The following ABHD16B variants were observed in gnomAD, a reference collection of about 807,000 sequenced individuals.
The protein encoded by ABHD16B is abhydrolase domain containing 16B, also known as abhydrolase domain-containing protein 16B.
In ABHD16B, 14 loss-of-function variants were observed where a neutral mutation model predicts 10.5. The ratio of observed to expected loss-of-function variants is 1.33; its 90% confidence interval spans 0.88 to 2.08. The LOEUF is 2.08. Among genes scored for constraint, ABHD16B ranks in the 30% most tolerant of loss-of-function variants. The probability of loss-of-function intolerance (pLI) is 0.00; values close to 1 mark genes in which losing one functional copy is unlikely to be tolerated. For synonymous variants in ABHD16B, 374 were observed against 337.9 expected (o/e 1.11, Z -1.17); for missense variants, 763 against 717.4 (o/e 1.06, Z -0.73).
chr20:63,861,835 AGCTACGCGCTG>A lies in ABHD16B; in HGVS notation c.298_308del (p.Tyr100ProfsTer46). ...CCGCGAGCTGCCCGGCCAGCTCGCTAGCTACGCGCTGGCCCACTCGCTGGGCCGCTGGCTCG... is the reference window on the plus strand; with the variant it reads ...CCGCGAGCTGCCCGGCCAGCTCGCTAGCCCACTCGCTGGGCCGCTGGCTCG... On this transcript the variant is annotated frameshift_variant, in exon 1 of 1. Coordinates refer to ENST00000369916, the MANE Select transcript of ABHD16B (RefSeq NM_080622.4). LOFTEE classifies it high-confidence loss of function. The surrounding 1 kb of genome is among the most constrained non-coding windows in gnomAD (Gnocchi z 5.4). 6.6e-7 allele frequency: 1 copy of A among 1,526,154 alleles called. No individual in the cohort carries two copies. Among genetic ancestry groups the A allele is most frequent in the Non-Finnish European group, 8.8e-7 (1 of 1,142,720 alleles). The allele number at this position is 1,526,154 out of a possible 1,614,324, so 94.5% of individuals were successfully genotyped here. A position where few individuals can be genotyped will look rare whatever the true frequency, so the allele number is the denominator to read the frequency against.
rs1189604000 is a variant in ABHD16B, at chr20:63,862,147, A to C, written c.607A>C (p.Asn203His). ...LEAGYSVLGWNHPGFGSSTGV... is the reference protein window; with the variant it reads ...LEAGYSVLGWHHPGFGSSTGV... Reference sequence around the variant, plus strand: ...GGCCGGCTACTCCGTGCTGGGCTGGAACCACCCCGGCTTCGGCAGCAGCAC... The same window carrying C: ...GGCCGGCTACTCCGTGCTGGGCTGGCACCACCCCGGCTTCGGCAGCAGCAC... The change falls in exon 1 of 1, where the codon AAC (asparagine) becomes CAC (histidine). Residue 203 changes from asparagine (N) to histidine (H), a missense_variant. Transcript: ENST00000369916. This position sits in a 1 kb window ranked among gnomAD's most constrained non-coding sequence, Gnocchi z 7.5. 1 of 1,611,384 alleles carries C rather than the reference A, an allele frequency of 6.2e-7. No homozygotes were observed. Among genetic ancestry groups the C allele is most frequent in the Admixed American group, 1.7e-5 (1 of 59,914 alleles).
chr20:63,862,419 C>T lies in ABHD16B; in HGVS notation c.879C>T (p.Arg293=), dbSNP rs1411469393. The T allele has an allele frequency of 6.3e-7, 1 of 1,586,932 alleles. No individual in the cohort carries two copies. Among genetic ancestry groups the T allele is most frequent in the Non-Finnish European group, 8.5e-7 (1 of 1,169,604 alleles). ...ACAGTTGGAAGGGGCTGGTGGTGCG[C>T]ACCGTGCGCGAGCACTTCAACCTCA... The part of the protein sequence containing the change: ...MPHSWKGLVV[R]TVREHFNLNV... Residue 293 remains arginine (R), a synonymous_variant, in exon 1 of 1, where the codon CGC becomes CGT. Coordinates refer to ENST00000369916, the MANE Select transcript of ABHD16B (RefSeq NM_080622.4). The surrounding 1 kb of genome is among the most constrained non-coding windows in gnomAD (Gnocchi z 7.5).
rs1296286568 is a variant in ABHD16B at position 63,862,065 on chromosome 20, C to G, written c.525C>G (p.Ile175Met). ...ACGTGCACGGGCCGCGCCTCGTCAT[C>G]TGCTGCGAAGGCAACGCGGGCTTCT... ...GSHVHGPRLV[I>M]CCEGNAGFYE... is the part of the protein sequence containing the mutation. The change falls in exon 1 of 1, where the codon ATC (isoleucine) becomes ATG (methionine). Residue 175 changes from isoleucine (I) to methionine (M), a missense_variant. By Grantham distance (10) the Ile-to-Met change is conservative. Transcript: ENST00000369916. The surrounding 1 kb of genome is among the most constrained non-coding windows in gnomAD (Gnocchi z 7.5). The G allele has an allele frequency of 6.2e-7, 1 of 1,611,302 alleles. No homozygotes were observed. Among genetic ancestry groups the G allele is most frequent in the Non-Finnish European group, 8.5e-7 (1 of 1,179,680 alleles).
At position 63,861,921 on chromosome 20, in the gene ABHD16B, G is replaced by A. The variant is rs2052087935; in HGVS notation, c.381G>A (p.Leu127=). The A allele has an allele frequency of 6.3e-7, 1 of 1,591,974 alleles. No homozygotes were observed. Among genetic ancestry groups the A allele is most frequent in the Non-Finnish European group, 8.5e-7 (1 of 1,175,280 alleles). ...TGACGCGCGCGCTGCTGCCGCTGCT[G>A]CAGCAGGGCCAAGAGCGCCTCGTGG... ...SLMTRALLPL[L]QQGQERLVER... The change falls in exon 1 of 1, where the codon CTG becomes CTA. Residue 127 remains leucine (L), a synonymous_variant. Transcript: ENST00000369916. This position sits in a 1 kb window ranked among gnomAD's most constrained non-coding sequence, Gnocchi z 5.4.
chr20:63,862,849 C>A lies in ABHD16B; in HGVS notation c.1309C>A (p.Arg437Ser). Residue 437 changes from arginine to serine, a missense_variant, in exon 1 of 1, where the codon CGC becomes AGC. Arg to Ser is a moderately radical substitution (Grantham distance 110). Coordinates refer to ENST00000369916, the MANE Select transcript of ABHD16B (RefSeq NM_080622.4). The surrounding 1 kb of genome is among the most constrained non-coding windows in gnomAD (Gnocchi z 7.5). ...GGGCCTGAGCTCGCGGCGGCGCCGG[C>A]GCCTCGCACTGTTCCTGGCTCGGAA... is the stretch of plus-strand genomic sequence containing the variant. ...GQGLSSRRRRRLALFLARKHL... is the reference protein window; with the variant it reads ...GQGLSSRRRRSLALFLARKHL... 6.5e-7 allele frequency: 1 copy of A among 1,535,958 alleles called. No homozygotes were observed. The highest frequency in any genetic ancestry group is 8.7e-7 in the Non-Finnish European group (1 of 1,145,436).
chr20:63,861,893 T>C lies in ABHD16B; in HGVS notation c.353T>C (p.Leu118Pro). Reference sequence around the variant, plus strand: ...CTCGTGTACCCCGGCTCCGTGTCCCTGATGACGCGCGCGCTGCTGCCGCTG... The same window carrying C: ...CTCGTGTACCCCGGCTCCGTGTCCCCGATGACGCGCGCGCTGCTGCCGCTG... Reference protein sequence around the residue: ...RWLVYPGSVSLMTRALLPLLQ... With the variant: ...RWLVYPGSVSPMTRALLPLLQ... Residue 118 changes from leucine (L) to proline (P), a missense_variant, in exon 1 of 1, where the codon CTG becomes CCG. By Grantham distance (98) the Leu-to-Pro change is moderately conservative. Transcript: ENST00000369916. The surrounding 1 kb of genome is among the most constrained non-coding windows in gnomAD (Gnocchi z 5.4). The C allele has an allele frequency of 6.3e-7, 1 of 1,581,718 alleles. No homozygotes were observed. The highest frequency in any genetic ancestry group is 1.3e-5 in the African/African-American group (1 of 74,248).
In ABHD16B at chr20:63,861,805, C is replaced by A; in HGVS notation, c.265C>A (p.Gln89Lys). Reference protein sequence around the residue: ...ARSQAQCLLQQLRELPGQLAS... With the variant: ...ARSQAQCLLQKLRELPGQLAS... Reference sequence around the variant, plus strand: ...CAGCCAGGCGCAGTGCCTCTTGCAGCAGCTCCGCGAGCTGCCCGGCCAGCT... The same window carrying A: ...CAGCCAGGCGCAGTGCCTCTTGCAGAAGCTCCGCGAGCTGCCCGGCCAGCT... Residue 89 changes from glutamine (Q) to lysine (K), a missense_variant, in exon 1 of 1, where the codon CAG becomes AAG. Coordinates refer to ENST00000369916, the MANE Select transcript of ABHD16B (RefSeq NM_080622.4). This position sits in a 1 kb window ranked among gnomAD's most constrained non-coding sequence, Gnocchi z 5.4. The A allele has an allele frequency of 1.4e-6, 2 of 1,454,834 alleles. No homozygotes were observed. The highest frequency in any genetic ancestry group is 2.4e-5 in the Admixed American group (1 of 41,134). 90.1% of individuals were successfully genotyped at this position (1,454,834 alleles called of 1,614,324 possible).
At position 63,861,865 on chromosome 20, in the gene ABHD16B, T is replaced by G; in HGVS notation, c.325T>G (p.Trp109Gly). 1 of 1,541,032 alleles carries G rather than the reference T, an allele frequency of 6.5e-7. No individual in the cohort carries two copies. The highest frequency in any genetic ancestry group is 2.3e-5 in the East Asian group (1 of 42,972). ...SYALAHSLGR[W>G]LVYPGSVSLM... ...CGCGCTGGCCCACTCGCTGGGCCGC[T>G]GGCTCGTGTACCCCGGCTCCGTGTC... The change falls in exon 1 of 1, where the codon TGG becomes GGG. Residue 109 changes from tryptophan (W) to glycine (G), a missense_variant. Transcript: ENST00000369916. The surrounding 1 kb of genome is among the most constrained non-coding windows in gnomAD (Gnocchi z 5.4).
rs2236152 is a variant in ABHD16B at position 63,862,674 on chromosome 20, G to C, written c.1134G>C (p.Ala378=). 111,807 of 1,535,526 alleles carry C rather than the reference G, an allele frequency of 0.073. 4,283 individuals are homozygous for C. Among genetic ancestry groups the C allele is most frequent in the East Asian group, 0.11 (4,414 of 40,904 alleles). Reference sequence around the variant, plus strand: ...GCTGGCTGCGCGCTGGCAGCTTGGCGCAGGAGGCCGCCTTCTATGCACGCT... The same window carrying C: ...GCTGGCTGCGCGCTGGCAGCTTGGCCCAGGAGGCCGCCTTCTATGCACGCT... ...VTRWLRAGSL[A]QEAAFYARYR... The change falls in exon 1 of 1, where the codon GCG becomes GCC. Residue 378 remains alanine, a synonymous_variant. Coordinates refer to ENST00000369916, the MANE Select transcript of ABHD16B (RefSeq NM_080622.4). This position sits in a 1 kb window ranked among gnomAD's most constrained non-coding sequence, Gnocchi z 7.5.
In ABHD16B at chr20:63,861,901, C is replaced by A; in HGVS notation, c.361C>A (p.Arg121Ser). The change falls in exon 1 of 1, where the codon CGC (arginine) becomes AGC (serine). Residue 121 changes from arginine (R) to serine (S), a missense_variant. Physicochemically the swap from Arg to Ser is moderately radical, Grantham distance 110 (BLOSUM62 -1). Coordinates refer to ENST00000369916, the MANE Select transcript of ABHD16B (RefSeq NM_080622.4). The surrounding 1 kb of genome is among the most constrained non-coding windows in gnomAD (Gnocchi z 5.4). Reference sequence around the variant, plus strand: ...CCCCGGCTCCGTGTCCCTGATGACGCGCGCGCTGCTGCCGCTGCTGCAGCA... The same window carrying A: ...CCCCGGCTCCGTGTCCCTGATGACGAGCGCGCTGCTGCCGCTGCTGCAGCA... ...VYPGSVSLMTRALLPLLQQGQ... is the reference protein window; with the variant it reads ...VYPGSVSLMTSALLPLLQQGQ... 1 of 1,586,658 alleles carries A rather than the reference C, an allele frequency of 6.3e-7. No homozygotes were observed. The highest frequency in any genetic ancestry group is 1.7e-5 in the Admixed American group (1 of 58,932).
chr20:63,861,589 T>C lies in ABHD16B; in HGVS notation c.49T>C (p.Tyr17His), dbSNP rs2052081567. 6.4e-7 allele frequency: 1 copy of C among 1,561,344 alleles called. No individual in the cohort carries two copies. The highest frequency in any genetic ancestry group is 8.7e-7 in the Non-Finnish European group (1 of 1,155,268). ...GGCGCTGGTGCGCGTGTTCAAGATCTACCTGACCGCCAGCTACACCTACCC... is the reference window on the plus strand; with the variant it reads ...GGCGCTGGTGCGCGTGTTCAAGATCCACCTGACCGCCAGCTACACCTACCC... ...VKALVRVFKI[Y>H]LTASYTYPFR... The change falls in exon 1 of 1, where the codon TAC becomes CAC. Residue 17 changes from tyrosine to histidine, a missense_variant. Coordinates refer to ENST00000369916, the MANE Select transcript of ABHD16B (RefSeq NM_080622.4). The surrounding 1 kb of genome is among the most constrained non-coding windows in gnomAD (Gnocchi z 5.4).
Position 63,862,034 on chromosome 20 carries a change from G to GCAGC in ABHD16B, c.497_500dup (p.His167GlnfsTer158), listed in dbSNP as rs2052090848. On this transcript the variant is annotated frameshift_variant, in exon 1 of 1. Coordinates refer to ENST00000369916, the MANE Select transcript of ABHD16B (RefSeq NM_080622.4). LOFTEE classifies it high-confidence loss of function. This position sits in a 1 kb window ranked among gnomAD's most constrained non-coding sequence, Gnocchi z 7.5. ...TTCATGGACCGCCGCCAGCACCCGG[G>GCAGC]CAGCCACGTGCACGGGCCGCGCCTC... 1.2e-6 allele frequency: 2 copies of GCAGC among 1,608,734 alleles called. No homozygotes were observed. Among genetic ancestry groups the GCAGC allele is most frequent in the South Asian group, 1.1e-5 (1 of 91,010 alleles).
In ABHD16B at chr20:63,862,846, C is replaced by A. The variant is rs199932646; in HGVS notation, c.1306C>A (p.Arg436=). ...VGQGLSSRRR[R]RLALFLARKH... ...CCAGGGCCTGAGCTCGCGGCGGCGC[C>A]GGCGCCTCGCACTGTTCCTGGCTCG... The change falls in exon 1 of 1, where the codon CGG becomes AGG. Residue 436 remains arginine, a synonymous_variant. Coordinates refer to ENST00000369916, the MANE Select transcript of ABHD16B (RefSeq NM_080622.4). This position sits in a 1 kb window ranked among gnomAD's most constrained non-coding sequence, Gnocchi z 7.5. 4.6e-6 allele frequency: 7 copies of A among 1,535,990 alleles called. No individual in the cohort carries two copies. In the South Asian group the frequency reaches 8.3e-5, roughly 18 times the overall value.
In ABHD16B at chr20:63,861,811, C is replaced by G. The variant is rs1412615457; in HGVS notation, c.271C>G (p.Arg91Gly). Residue 91 changes from arginine (R) to glycine (G), a missense_variant, in exon 1 of 1, where the codon CGC becomes GGC. Coordinates refer to ENST00000369916, the MANE Select transcript of ABHD16B (RefSeq NM_080622.4). This position sits in a 1 kb window ranked among gnomAD's most constrained non-coding sequence, Gnocchi z 5.4. ...GGCGCAGTGCCTCTTGCAGCAGCTC[C>G]GCGAGCTGCCCGGCCAGCTCGCTAG... is the stretch of plus-strand genomic sequence containing the variant. ...SQAQCLLQQL[R>G]ELPGQLASYA... 2 of 1,463,024 alleles carry G rather than the reference C, an allele frequency of 1.4e-6. No individual in the cohort carries two copies. The highest frequency in any genetic ancestry group is 2.3e-5 in the Admixed American group (1 of 42,972). 90.6% of individuals were successfully genotyped at this position (1,463,024 alleles called of 1,614,324 possible). A position where few individuals can be genotyped will look rare whatever the true frequency, so the allele number is the denominator to read the frequency against.
Position 63,862,291 on chromosome 20 carries a change from T to G in ABHD16B, c.751T>G (p.Phe251Val), listed in dbSNP as rs752985117. ...LVVYGWSVGG[F>V]TATWATMTYP... is the part of the protein sequence containing the mutation. ...GGTCTACGGCTGGTCTGTTGGCGGC[T>G]TCACGGCCACCTGGGCCACCATGAC... Residue 251 changes from phenylalanine (F) to valine (V), a missense_variant, in exon 1 of 1, where the codon TTC becomes GTC. Phe to Val is a conservative substitution (Grantham distance 50, BLOSUM62 -1). Transcript: ENST00000369916. This position sits in a 1 kb window ranked among gnomAD's most constrained non-coding sequence, Gnocchi z 7.5. 3.1e-6 allele frequency: 5 copies of G among 1,611,576 alleles called. No homozygotes were observed. In the South Asian group the frequency reaches 5.5e-5, roughly 18 times the overall value.
rs376583407 is a variant in ABHD16B at position 63,862,384 on chromosome 20, G to A, written c.844G>A (p.Val282Ile). ...CGACCTTGTGCCGCTGGCGCTGAAG[G>A]TCATGCCCCACAGTTGGAAGGGGCT... ...FDDLVPLALK[V>I]MPHSWKGLVV... Residue 282 changes from valine to isoleucine, a missense_variant, in exon 1 of 1, where the codon GTC (valine) becomes ATC (isoleucine). Physicochemically the swap from Val to Ile is conservative, Grantham distance 29. Coordinates refer to ENST00000369916, the MANE Select transcript of ABHD16B (RefSeq NM_080622.4). The surrounding 1 kb of genome is among the most constrained non-coding windows in gnomAD (Gnocchi z 7.5). 18 of 1,605,836 alleles carry A rather than the reference G, an allele frequency of 1.1e-5. No homozygotes were observed. Among genetic ancestry groups the A allele is most frequent in the Non-Finnish European group, 1.5e-5 (18 of 1,177,206 alleles).
Position 63,862,524 on chromosome 20 carries a change from G to A in ABHD16B, c.984G>A (p.Ser328=). The change falls in exon 1 of 1, where the codon TCG becomes TCA. Residue 328 remains serine, a synonymous_variant. Coordinates refer to ENST00000369916, the MANE Select transcript of ABHD16B (RefSeq NM_080622.4). The surrounding 1 kb of genome is among the most constrained non-coding windows in gnomAD (Gnocchi z 7.5). ...CGCAGGATGACGTGGTCAGCACTTC[G>A]GGCCGCCTGCGCCCCCTGTCACCTG... is the stretch of plus-strand genomic sequence containing the variant. ...RRTQDDVVST[S]GRLRPLSPGD... 4 of 1,569,286 alleles carry A rather than the reference G, an allele frequency of 2.5e-6. No individual in the cohort carries two copies. The highest frequency in any genetic ancestry group is 3.4e-6 in the Non-Finnish European group (4 of 1,163,254).
chr20:63,862,665 C>T lies in ABHD16B; in HGVS notation c.1125C>T (p.Gly375=). Reference sequence around the variant, plus strand: ...TCGTCACCCGCTGGCTGCGCGCTGGCAGCTTGGCGCAGGAGGCCGCCTTCT... The same window carrying T: ...TCGTCACCCGCTGGCTGCGCGCTGGTAGCTTGGCGCAGGAGGCCGCCTTCT... ...RAVVTRWLRA[G]SLAQEAAFYA... is the part of the protein sequence containing the mutation. The change falls in exon 1 of 1, where the codon GGC becomes GGT. Residue 375 remains glycine (G), a synonymous_variant. Coordinates refer to ENST00000369916, the MANE Select transcript of ABHD16B (RefSeq NM_080622.4). This position sits in a 1 kb window ranked among gnomAD's most constrained non-coding sequence, Gnocchi z 7.5. 2 of 1,536,122 alleles carry T rather than the reference C, an allele frequency of 1.3e-6. No individual in the cohort carries two copies. Among genetic ancestry groups the T allele is most frequent in the African/African-American group, 1.4e-5 (1 of 73,150 alleles).
Position 63,861,587 on chromosome 20 carries a change from T to A in ABHD16B, c.47T>A (p.Ile16Asn). The A allele has an allele frequency of 6.4e-7, 1 of 1,561,600 alleles. No homozygotes were observed. The highest frequency in any genetic ancestry group is 8.7e-7 in the Non-Finnish European group (1 of 1,155,406). Reference sequence around the variant, plus strand: ...AAGGCGCTGGTGCGCGTGTTCAAGATCTACCTGACCGCCAGCTACACCTAC... The same window carrying A: ...AAGGCGCTGGTGCGCGTGTTCAAGAACTACCTGACCGCCAGCTACACCTAC... ...FVKALVRVFK[I>N]YLTASYTYPF... The change falls in exon 1 of 1, where the codon ATC becomes AAC. Residue 16 changes from isoleucine to asparagine, a missense_variant. Ile to Asn is a moderately radical substitution (Grantham distance 149). Transcript: ENST00000369916. This position sits in a 1 kb window ranked among gnomAD's most constrained non-coding sequence, Gnocchi z 5.4.
Sources: allele counts gnomAD v4.1 joint callset, GRCh38; gene constraint gnomAD v4.1.1; non-coding constraint Gnocchi (gnomAD v3.1); transcripts MANE v1.5; gene names NCBI Gene and HGNC (gene_info 2026-07-23, HGNC 2026-07-21).